Variants in RBFOX1 observed in about 807,000 individuals in gnomAD.
The protein encoded by RBFOX1 is RNA binding protein fox-1 homolog 1.
In RBFOX1, 8 loss-of-function variants were observed where a neutral mutation model predicts 57.7. The observed-to-expected ratio is 0.14, with a 90% CI of 0.08 to 0.25. RBFOX1 has a LOEUF of 0.25. Ranked by LOEUF, RBFOX1 falls within the 10% of genes least tolerant of loss-of-function variation. The probability of loss-of-function intolerance (pLI) is 1.00; values close to 1 mark genes in which losing one functional copy is unlikely to be tolerated. For missense variants in RBFOX1, 611 were observed against 548.5 expected (o/e 1.11, Z -1.14); for synonymous variants, 326 against 222.4 (o/e 1.47, Z -4.15).
intron 4 of RBFOX1, among the ~76,000 whole-genome samples, chr16:7,098,272 C>G (rs1344201514): frequency 6.6e-6 from 1 of 152,192 alleles, no homozygotes; most frequent in African/African-American, 2.4e-5. Flanking sequence ...CTGGTTCAAG[C>G]CATTCTCCTC....
intron 4 of RBFOX1, among the ~76,000 whole-genome samples, chr16:7,210,634 T>G (rs1184415033): frequency 6.6e-6 from 1 of 152,218 alleles, no homozygotes; most frequent in African/African-American, 2.4e-5. Context: ...CAACTGCTAC[T>G]CTGTATTTTG....
chr16:6,562,880 C>CTTTTTTT lies in RBFOX1; in HGVS notation c.-63-91711_-63-91705dup, dbSNP rs71145250. ...TCTTTCTTTCTTTCTTTCTTTCTTT[C>CTTTTTTT]TTTTTTTTTTTTTTTTTTGCATAGT... is the stretch of plus-strand genomic sequence containing the variant. On this transcript the variant is annotated intron_variant, in intron 2 of 15. Transcript: ENST00000550418. 1.7e-4 allele frequency among the ~76,000 whole-genome samples: 9 copies of CTTTTTTT among 51,772 alleles called. 1 individual carries two copies. The highest frequency in any genetic ancestry group is 4.8e-4 in the Admixed American group (2 of 4,142). The allele number at this position is 51,772 out of a possible 152,430, so 34.0% of individuals were successfully genotyped here.
intron 3 of RBFOX1, among the ~76,000 whole-genome samples, chr16:7,007,569 A>G (rs959946126): frequency 1.3e-5 from 2 of 152,176 alleles, no homozygotes; most frequent in Non-Finnish European, 2.9e-5. Context: ...CCTACTGTAC[A>G]TTGTTAAACA....
chr16:6,457,448 C>CA (rs1555484699), intron 2 of RBFOX1, among the ~76,000 whole-genome samples: 1 of 148,172 alleles, frequency 6.7e-6, no homozygotes, highest in Admixed American at 6.7e-5. Flanking sequence ...TCCCCCCCCC[C>CA]GCAATAGCTT....
chr16:6,099,224 G>C (rs1029132236), intron 1 of RBFOX1, among the ~76,000 whole-genome samples: 2 of 152,224 alleles, frequency 1.3e-5, no homozygotes, highest in African/African-American at 4.8e-5. Flanking sequence ...AAAGTGTTAA[G>C]AGGGCCTGCC....
At chr16:6,809,964 T>C (rs1409555355) in intron 3 of RBFOX1, among the ~76,000 whole-genome samples, 2 of 151,732 alleles carry the variant, frequency 1.3e-5, no homozygotes, top group African/African-American at 2.4e-5. Context: ...GAGATTGATA[T>C]GATCAGACAT....
At chr16:7,089,290 A>C (rs1232593468) in intron 4 of RBFOX1, among the ~76,000 whole-genome samples, 1 of 152,236 alleles carries the variant, frequency 6.6e-6, no homozygotes, top group African/African-American at 2.4e-5. Flanking sequence ...TTAAAACTGC[A>C]TGAACTTAAT....
intron 4 of RBFOX1, among the ~76,000 whole-genome samples, chr16:7,357,671 T>A (rs1390998379): frequency 6.6e-6 from 1 of 152,190 alleles, no homozygotes; most frequent in Non-Finnish European, 1.5e-5. Context: ...GGACTTTTAT[T>A]CAGTCTCGGT....
At chr16:5,925,912 G>A (rs1395317176) in intron 4 of RBFOX1, among the ~76,000 whole-genome samples, 1 of 152,010 alleles carries the variant, frequency 6.6e-6, no homozygotes, top group Non-Finnish European at 1.5e-5. Context: ...AAACCTGATG[G>A]GCCAAGCTTA....
intron 3 of RBFOX1, among the ~76,000 whole-genome samples, chr16:5,737,972 C>T (rs949299802): frequency 3.9e-5 from 6 of 152,118 alleles, no homozygotes; most frequent in Non-Finnish European, 8.8e-5. Flanking sequence ...CTGTCATCTA[C>T]ATTAAGTATT....
intron 3 of RBFOX1, among the ~76,000 whole-genome samples, chr16:5,654,099 A>G (rs774109276): frequency 6.6e-6 from 1 of 152,170 alleles, no homozygotes; most frequent in Non-Finnish European, 1.5e-5. Context: ...CAGTGAGGAC[A>G]CGTCTGGGTC....
At chr16:6,305,839 C>G (rs936365287) in intron 1 of RBFOX1, among the ~76,000 whole-genome samples, 5 of 152,020 alleles carry the variant, frequency 3.3e-5, no homozygotes, top group Non-Finnish European at 7.4e-5. Context: ...GTTCAAAGCT[C>G]TTTCTTCACG....
In RBFOX1 at chr16:7,123,209, T is replaced by G. The variant is rs369832209; in HGVS notation, c.27+71111T>G. 5.3e-4 allele frequency among the ~76,000 whole-genome samples: 81 copies of G among 152,294 alleles called. No homozygotes were observed. The East Asian group carries it at 0.014, about 27-fold the overall frequency. On this transcript the variant is annotated intron_variant, in intron 4 of 15. Coordinates refer to ENST00000550418, the MANE Select transcript of RBFOX1 (RefSeq NM_018723.4). ...AAATTTATGGTATATTAATTCCAAATAAATGCAAGCCCATAGATTATATGA... is the reference window on the plus strand; with the variant it reads ...AAATTTATGGTATATTAATTCCAAAGAAATGCAAGCCCATAGATTATATGA...
At chr16:6,648,045 C>G (rs549291519) in intron 2 of RBFOX1, among the ~76,000 whole-genome samples, 7 of 152,148 alleles carry the variant, frequency 4.6e-5, no homozygotes, top group South Asian at 4.1e-4. Context: ...GTTTCATTTT[C>G]TTGCCCAGAC....
intron 3 of RBFOX1, among the ~76,000 whole-genome samples, chr16:6,783,629 T>A (rs1057005727): frequency 2.6e-5 from 4 of 152,096 alleles, no homozygotes; most frequent in African/African-American, 7.2e-5. Flanking sequence ...TATTATTATT[T>A]TTCATAGGTT....
At chr16:5,854,343 C>A (rs971675151) in intron 3 of RBFOX1, among the ~76,000 whole-genome samples, 1 of 152,232 alleles carries the variant, frequency 6.6e-6, no homozygotes, top group East Asian at 1.9e-4. Context: ...TATTTCTTCT[C>A]ACCTCCGGTG....
intron 1 of RBFOX1, among the ~76,000 whole-genome samples, chr16:5,252,294 C>G (rs1244963025): frequency 6.6e-6 from 1 of 152,150 alleles, no homozygotes; most frequent in Non-Finnish European, 1.5e-5. Flanking sequence ...TCCAGGAGGT[C>G]CAGTTAAACC....
chr16:7,672,157 A>T (rs866510086), intron 13 of RBFOX1, among the ~76,000 whole-genome samples: 1 of 152,206 alleles, frequency 6.6e-6, no homozygotes, highest in African/African-American at 2.4e-5. Context: ...GCCTGTTGTT[A>T]TAGCTTTTAA....
chr16:7,706,533 C>A (rs1430488659), intron 14 of RBFOX1, among the ~76,000 whole-genome samples: 1 of 152,126 alleles, frequency 6.6e-6, no homozygotes. Flanking sequence ...TAGTGTCTCC[C>A]CAGAAGAGGA....
Sources: gnomAD v4.1 joint callset for allele counts (sites outside exome capture counted in the v4.1 genomes callset) on GRCh38, gnomAD v4.1.1 for gene constraint, MANE v1.5 for transcripts, NCBI Gene and HGNC (gene_info 2026-07-23, HGNC 2026-07-21) for gene names.